The following ERF variants were observed in gnomAD, a reference collection of about 807,000 sequenced individuals.
ERF encodes ETS2 repressor factor, also known as ETS domain-containing transcription factor ERF.
A neutral mutation model predicts 41.6 loss-of-function variants in ERF; 10 were observed. The observed-to-expected ratio is 0.24, with a 90% CI of 0.15 to 0.41. ERF has a LOEUF of 0.41. Ranked by LOEUF, ERF falls within the 10% of genes least tolerant of loss-of-function variation. The pLI is 1.00. For missense variants in ERF, 621 were observed against 763.2 expected, an observed-to-expected ratio of 0.81 and a Z score of 2.19; for synonymous variants, 395 against 342.4, an observed-to-expected ratio of 1.15 and a Z score of -1.70.
chr19:42,251,675 TC>T (rs1257699791), intron 1 of ERF, among the ~76,000 whole-genome samples: 2 of 152,098 alleles, frequency 1.3e-5, no homozygotes, highest in African/African-American at 4.8e-5. Flanking sequence ...CAGGGGTCAA[TC>T]CGCCTCCCTT....
intron 1 of ERF, 87 bp downstream of exon 1, chr19:42,254,891 C>A (rs1325884352): frequency 1.4e-5 from 20 of 1,414,138 alleles, no homozygotes; most frequent in Non-Finnish European, 1.6e-5. Context: ...CTCGGGCTCC[C>A]CCGGACCCCT....
At position 42,250,719 on chromosome 19, in the gene ERF, T is replaced by G. The variant is rs77733872; in HGVS notation, c.23-154A>C. On this transcript the variant is annotated intron_variant, in intron 1 of 3. Coordinates refer to ENST00000222329, the MANE Select transcript of ERF (RefSeq NM_006494.4). This position sits in a 1 kb window ranked among gnomAD's most constrained non-coding sequence, Gnocchi z 5.1. Reference sequence around the variant, plus strand: ...ATCTGATTTAAGAGAAGACAGTGCGTGTCTGTCTGTCTGCATGTGAGGGGC... The same window carrying G: ...ATCTGATTTAAGAGAAGACAGTGCGGGTCTGTCTGTCTGCATGTGAGGGGC... Among the ~76,000 whole-genome samples, 6 of 152,008 alleles carry G rather than the reference T, an allele frequency of 3.9e-5. No individual in the cohort carries two copies. Among genetic ancestry groups the G allele is most frequent in the Non-Finnish European group, 7.4e-5 (5 of 67,970 alleles).
chr19:42,250,227 G>C lies in ERF; in HGVS notation c.257+104C>G. 2 of 1,355,960 alleles carry C rather than the reference G, an allele frequency of 1.5e-6. No individual in the cohort carries two copies. Among genetic ancestry groups the C allele is most frequent in the Non-Finnish European group, 2.0e-6 (2 of 986,128 alleles). The allele number at this position is 1,355,960 out of a possible 1,614,324, so 84.0% of individuals were successfully genotyped here. A position where few individuals can be genotyped will look rare whatever the true frequency, so the allele number is the denominator to read the frequency against. On this transcript the variant is annotated intron_variant, in intron 2 of 3. Transcript: ENST00000222329. This position sits in a 1 kb window ranked among gnomAD's most constrained non-coding sequence, Gnocchi z 5.1. ...CCCAAGGTCACACAGCTAGGATTTGGCAAAGCCAGGGGTCAGACCCAATGC... is the reference window on the plus strand; with the variant it reads ...CCCAAGGTCACACAGCTAGGATTTGCCAAAGCCAGGGGTCAGACCCAATGC...
chr19:42,249,964 TG>T lies in ERF; in HGVS notation c.258-23del. 1 of 1,610,494 alleles carries T rather than the reference TG, an allele frequency of 6.2e-7. No homozygotes were observed. The highest frequency in any genetic ancestry group is 8.5e-7 in the Non-Finnish European group (1 of 1,176,748). ...ATAGCTGTGGGTACAGAAATGCCAT[TG>T]GGAAGGTCAGGTACGTGGGACCCAG... On this transcript the variant is annotated intron_variant, in intron 2 of 3. Transcript: ENST00000222329. This position sits in a 1 kb window ranked among gnomAD's most constrained non-coding sequence, Gnocchi z 8.6.
Position 42,248,948 on chromosome 19 carries a change from C to A in ERF, c.1164G>T (p.Gln388His). 1 of 1,606,426 alleles carries A rather than the reference C, an allele frequency of 6.2e-7. No homozygotes were observed. The highest frequency in any genetic ancestry group is 8.5e-7 in the Non-Finnish European group (1 of 1,179,634). The change falls in exon 4 of 4, where the codon CAG (glutamine) becomes CAT (histidine). Residue 388 changes from glutamine (Q) to histidine (H), a missense_variant. This residue lies in a region of ERF where 569 missense variants were observed against 625.5 expected (regional missense o/e 0.91). Coordinates refer to ENST00000222329, the MANE Select transcript of ERF (RefSeq NM_006494.4). This position sits in a 1 kb window ranked among gnomAD's most constrained non-coding sequence, Gnocchi z 4.2. ...KLQPPPLGRRQRAAGEKAVAG... is the reference protein window; with the variant it reads ...KLQPPPLGRRHRAAGEKAVAG... ...CTACGGCCTTCTCCCCAGCTGCCCG[C>A]TGCCGGCGTCCGAGTGGGGGCGGCT...
At chr19:42,252,008 C>T (rs897452250) in intron 1 of ERF, among the ~76,000 whole-genome samples, 1 of 152,152 alleles carries the variant, frequency 6.6e-6, no homozygotes, top group Non-Finnish European at 1.5e-5. Flanking sequence ...GCCCCTGTTC[C>T]ATTTAAAAGT....
At chr19:42,254,758 C>G (rs974153367) in intron 1 of ERF, 9 of 459,376 alleles carry the variant, frequency 2.0e-5, no homozygotes, top group African/African-American at 1.4e-4. Flanking sequence ...AGGACCAAGA[C>G]CCGCAGCACC....
In ERF at chr19:42,254,970, GC is replaced by G; in HGVS notation, c.22+7del. On this transcript the variant is annotated splice_region_variant and intron_variant, in intron 1 of 3. Transcript: ENST00000222329. ...AGTCTCCCCCACACGTGCTGCCCCC[GC>G]CCCCACCTGTGTCCGCCGGGGTCTT... The G allele has an allele frequency of 2.0e-6, 3 of 1,489,048 alleles. No homozygotes were observed. The highest frequency in any genetic ancestry group is 1.4e-5 in the South Asian group (1 of 71,418). The allele number at this position is 1,489,048 out of a possible 1,614,324, so 92.2% of individuals were successfully genotyped here.
In ERF at chr19:42,250,015, C is replaced by A; in HGVS notation, c.258-73G>T. 7.2e-7 allele frequency: 1 copy of A among 1,390,854 alleles called. No homozygotes were observed. The highest frequency in any genetic ancestry group is 1.0e-6 in the Non-Finnish European group (1 of 978,104). 86.2% of individuals were successfully genotyped at this position (1,390,854 alleles called of 1,614,324 possible). ...GGTCTAGACTCCACACCTTAACACGCACTTAGGTGTGGTTCCCAAAGGCCA... is the reference window on the plus strand; with the variant it reads ...GGTCTAGACTCCACACCTTAACACGAACTTAGGTGTGGTTCCCAAAGGCCA... On this transcript the variant is annotated intron_variant, in intron 2 of 3. Coordinates refer to ENST00000222329, the MANE Select transcript of ERF (RefSeq NM_006494.4). This position sits in a 1 kb window ranked among gnomAD's most constrained non-coding sequence, Gnocchi z 5.1.
rs901782723 is a variant in ERF, at chr19:42,248,798, T to C, written c.1314A>G (p.Val438=). 1 of 1,613,436 alleles carries C rather than the reference T, an allele frequency of 6.2e-7. No homozygotes were observed. Among genetic ancestry groups the C allele is most frequent in the Non-Finnish European group, 8.5e-7 (1 of 1,179,926 alleles). ...CCTCATCACTGATGTCAGTCACCTC[T>C]ACCTCCTCCGACTCGCCTTCCGAGA... ...EPISEGESEE[V]EVTDISDEDE... is the part of the protein sequence containing the mutation. The change falls in exon 4 of 4, where the codon GTA becomes GTG. Residue 438 remains valine, a synonymous_variant. Coordinates refer to ENST00000222329, the MANE Select transcript of ERF (RefSeq NM_006494.4). This position sits in a 1 kb window ranked among gnomAD's most constrained non-coding sequence, Gnocchi z 4.2.
intron 1 of ERF, among the ~76,000 whole-genome samples, chr19:42,254,060 A>AG (rs1333915458): frequency 6.9e-6 from 1 of 145,606 alleles, no homozygotes; most frequent in East Asian, 2.1e-4. Flanking sequence ...GGGGGAGGGG[A>AG]GGGGGAAAAG....
At chr19:42,251,441 CTGGGGTG>C (rs1487007342) in intron 1 of ERF, 6 of 226,018 alleles carry the variant, frequency 2.7e-5, no homozygotes, top group Non-Finnish European at 3.0e-5. Flanking sequence ...GGTGGGCAGC[CTGGGGTG>C]GGGGGTGGGG....
rs1599819344 is a variant in ERF at position 42,248,425 on chromosome 19, A to G, written c.*40T>C. The stretch of plus-strand genomic sequence containing the variant: ...GGGGGCTTAAGGCAGCAAAAGAAGC[A>G]TGGGGGGTGCGGGGCACACAGGTCC... On this transcript the variant is annotated 3_prime_UTR_variant, in exon 4 of 4. Coordinates refer to ENST00000222329, the MANE Select transcript of ERF (RefSeq NM_006494.4). The surrounding 1 kb of genome is among the most constrained non-coding windows in gnomAD (Gnocchi z 4.2). The G allele has an allele frequency of 7.0e-7, 1 of 1,430,824 alleles. No homozygotes were observed. 88.6% of individuals were successfully genotyped at this position (1,430,824 alleles called of 1,614,324 possible). A position where few individuals can be genotyped will look rare whatever the true frequency, so the allele number is the denominator to read the frequency against.
At position 42,253,806 on chromosome 19, in the gene ERF, A is replaced by G. The variant is rs1437107530; in HGVS notation, c.22+1172T>C. 3.0e-5 allele frequency: 24 copies of G among 813,436 alleles called. No individual in the cohort carries two copies. In the African/African-American group the frequency reaches 4.3e-4, roughly 15 times the overall value. The allele number at this position is 813,436 out of a possible 1,614,324, so 50.4% of individuals were successfully genotyped here. On this transcript the variant is annotated intron_variant, in intron 1 of 3. Transcript: ENST00000222329. The stretch of plus-strand genomic sequence containing the variant: ...GGAATGGGGTGGGAATGGGGTGGGG[A>G]TGGGGTGGGGTGGGTGGGCCGGTCG...
In ERF at chr19:42,248,795, C is replaced by T. The variant is rs2036380438; in HGVS notation, c.1317G>A (p.Glu439=). Residue 439 remains glutamate (E), a synonymous_variant, in exon 4 of 4, where the codon GAG becomes GAA. Transcript: ENST00000222329. This position sits in a 1 kb window ranked among gnomAD's most constrained non-coding sequence, Gnocchi z 4.2. The part of the protein sequence containing the change: ...PISEGESEEV[E]VTDISDEDEE... Reference sequence around the variant, plus strand: ...CATCCTCATCACTGATGTCAGTCACCTCTACCTCCTCCGACTCGCCTTCCG... The same window carrying T: ...CATCCTCATCACTGATGTCAGTCACTTCTACCTCCTCCGACTCGCCTTCCG... 1 of 1,613,508 alleles carries T rather than the reference C, an allele frequency of 6.2e-7. No individual in the cohort carries two copies. The highest frequency in any genetic ancestry group is 8.5e-7 in the Non-Finnish European group (1 of 1,179,958).
Position 42,250,586 on chromosome 19 carries a change from G to A in ERF, c.23-21C>T. On this transcript the variant is annotated intron_variant, in intron 1 of 3. Coordinates refer to ENST00000222329, the MANE Select transcript of ERF (RefSeq NM_006494.4). This position sits in a 1 kb window ranked among gnomAD's most constrained non-coding sequence, Gnocchi z 5.1. ...AAACCCTGGGGACGGGAGGCAGGGA[G>A]TGGCCTGGGGTCAGGCTGCCAAGTC... 6.2e-7 allele frequency: 1 copy of A among 1,608,788 alleles called. No homozygotes were observed. Among genetic ancestry groups the A allele is most frequent in the Non-Finnish European group, 8.5e-7 (1 of 1,177,732 alleles).
At position 42,250,292 on chromosome 19, in the gene ERF, C is replaced by T. The variant is rs748774879; in HGVS notation, c.257+39G>A. On this transcript the variant is annotated intron_variant, in intron 2 of 3. Coordinates refer to ENST00000222329, the MANE Select transcript of ERF (RefSeq NM_006494.4). This position sits in a 1 kb window ranked among gnomAD's most constrained non-coding sequence, Gnocchi z 5.1. ...AAGGGGCTGTGCAACCCCGGGGGGG[C>T]ACTCCACATGTGCTCAGGGGTCCCC... 1 of 1,598,026 alleles carries T rather than the reference C, an allele frequency of 6.3e-7. No individual in the cohort carries two copies. The highest frequency in any genetic ancestry group is 1.7e-5 in the Admixed American group (1 of 59,232).
Position 42,249,769 on chromosome 19 carries a change from T to A in ERF, c.374-31A>T, listed in dbSNP as rs1218366766. On this transcript the variant is annotated intron_variant, in intron 3 of 3. Transcript: ENST00000222329. The surrounding 1 kb of genome is among the most constrained non-coding windows in gnomAD (Gnocchi z 8.6). ...AGAAGGGAGACAGTGTCAAGGCCCC[T>A]GGCCTAGCCTGAAGGGGCATGTAGA... The A allele has an allele frequency of 6.2e-7, 1 of 1,613,166 alleles. No homozygotes were observed. Among genetic ancestry groups the A allele is most frequent in the Non-Finnish European group, 8.5e-7 (1 of 1,179,380 alleles).
At chr19:42,251,147 C>G in intron 1 of ERF, 3 of 911,850 alleles carry the variant, frequency 3.3e-6, no homozygotes, top group Non-Finnish European at 3.9e-6. Context: ...CTTGCACACA[C>G]AGAGGCTTCT....
Sources: allele counts gnomAD v4.1 joint callset (sites outside exome capture counted in the v4.1 genomes callset), GRCh38; gene constraint gnomAD v4.1.1; regional missense constraint gnomAD v4.1.1; non-coding constraint Gnocchi (gnomAD v3.1); transcripts MANE v1.5; gene names NCBI Gene and HGNC (gene_info 2026-07-23, HGNC 2026-07-21).